Variants in OXCT1 observed in about 807,000 individuals in gnomAD.
OXCT1 encodes the protein succinyl-CoA:3-ketoacid coenzyme A transferase 1, mitochondrial.
In OXCT1, 27 loss-of-function variants were observed where a neutral mutation model predicts 69.6. The ratio of observed to expected loss-of-function variants is 0.39; its 90% CI spans 0.29 to 0.54. The LOEUF is 0.54. Among genes scored for constraint, OXCT1 ranks in the 20% least tolerant of loss-of-function variants. The pLI, the probability that OXCT1 is intolerant of heterozygous loss-of-function variation, is 0.72. For synonymous variants in OXCT1, 202 were observed against 217.8 expected (o/e 0.93, Z 0.64); for missense variants, 437 against 650.2 (o/e 0.67, Z 3.57).
At chr5:41,783,255 G>A (rs1031514395) in intron 13 of OXCT1, among the ~76,000 whole-genome samples, 1 of 152,166 alleles carries the variant, frequency 6.6e-6, no homozygotes, top group African/African-American at 2.4e-5. Flanking sequence ...CAAAAGTGTT[G>A]ATCAAGATGA....
intron 5 of OXCT1, among the ~76,000 whole-genome samples, chr5:41,846,289 A>T (rs1579866141): frequency 4.0e-5 from 3 of 74,918 alleles, no homozygotes; most frequent in East Asian, 4.8e-4. Context: ...CCCTCCCCCC[A>T]CCCCACAACA....
Position 41,870,165 on chromosome 5 carries a change from A to C in OXCT1, c.78+116T>G. 1 of 850,712 alleles carries C rather than the reference A, an allele frequency of 1.2e-6. No homozygotes were observed. Among genetic ancestry groups the C allele is most frequent in the Non-Finnish European group, 2.0e-6 (1 of 507,680 alleles). 52.7% of individuals were successfully genotyped at this position (850,712 alleles called of 1,614,324 possible). ...CCGTGACCAGGGCACCGCGCCACGG[A>C]TGCCAGATCCCAGGCTGGAGAGAGC... On this transcript the variant is annotated intron_variant, in intron 1 of 16. Coordinates refer to ENST00000196371, the MANE Select transcript of OXCT1 (RefSeq NM_000436.4). The surrounding 1 kb of genome is among the most constrained non-coding windows in gnomAD (Gnocchi z 4.2).
chr5:41,794,885 G>A, intron 11 of OXCT1, 136 bp from the exon 12 acceptor site: 1 of 841,290 alleles, frequency 1.2e-6, no homozygotes, highest in South Asian at 1.6e-5. Flanking sequence ...CATAGCAGGT[G>A]GGGGGACACA....
chr5:41,789,394 C>A (rs1425768555), intron 13 of OXCT1, among the ~76,000 whole-genome samples: 1 of 152,202 alleles, frequency 6.6e-6, no homozygotes, highest in Non-Finnish European at 1.5e-5. Flanking sequence ...TTGTTAACTA[C>A]TGCATCCCCA....
At chr5:41,809,929 TG>T (rs1338593376) in intron 7 of OXCT1, among the ~76,000 whole-genome samples, 4 of 152,052 alleles carry the variant, frequency 2.6e-5, no homozygotes, top group Non-Finnish European at 5.9e-5. Context: ...GTGCAGCATT[TG>T]TCAAAATAAC....
Position 41,870,248 on chromosome 5 carries a change from T to G in OXCT1, c.78+33A>C. ...CTCAGGGTTTGGTCCACGTTCTTCC[T>G]GCCCATGGCCTTCCTCTTCCCCCGC... On this transcript the variant is annotated intron_variant, in intron 1 of 16. Coordinates refer to ENST00000196371, the MANE Select transcript of OXCT1 (RefSeq NM_000436.4). This position sits in a 1 kb window ranked among gnomAD's most constrained non-coding sequence, Gnocchi z 4.2. The G allele has an allele frequency of 6.4e-7, 1 of 1,562,106 alleles. No individual in the cohort carries two copies. The highest frequency in any genetic ancestry group is 8.8e-7 in the Non-Finnish European group (1 of 1,132,904).
At chr5:41,804,877 C>T (rs995699935) in intron 9 of OXCT1, among the ~76,000 whole-genome samples, 4 of 152,028 alleles carry the variant, frequency 2.6e-5, no homozygotes, top group Admixed American at 1.3e-4. Context: ...CACCATTCAA[C>T]AAACATTCAT....
Position 41,843,541 on chromosome 5 carries a change from T to C in OXCT1, c.565-760A>G, listed in dbSNP as rs74778597. ...TTGCCTTTTAATTATACTACCAATT[T>C]TGGAGGGAAGAACATAAAGCAAAAC... On this transcript the variant is annotated intron_variant, in intron 5 of 16. Coordinates refer to ENST00000196371, the MANE Select transcript of OXCT1 (RefSeq NM_000436.4). 5.7e-3 allele frequency: 2,620 copies of C among 456,142 alleles called. 35 individuals are homozygous for C. The highest frequency in any genetic ancestry group is 0.033 in the African/African-American group (1,637 of 50,170). The allele number at this position is 456,142 out of a possible 1,614,324, so 28.3% of individuals were successfully genotyped here. A position where few individuals can be genotyped will look rare whatever the true frequency, so the allele number is the denominator to read the frequency against.
chr5:41,839,567 A>G (rs1341729779), intron 7 of OXCT1, among the ~76,000 whole-genome samples: 4 of 152,224 alleles, frequency 2.6e-5, no homozygotes, highest in Admixed American at 2.6e-4. Flanking sequence ...GCAATTTAAA[A>G]ATAGCACACT....
chr5:41,754,287 T>A (rs960290113), intron 14 of OXCT1, among the ~76,000 whole-genome samples: 11 of 152,094 alleles, frequency 7.2e-5, no homozygotes, highest in Non-Finnish European at 1.3e-4. Flanking sequence ...TCAACACCCT[T>A]GCTCTTTCCT....
chr5:41,859,309 CTAAG>C (rs1434376623), intron 3 of OXCT1, among the ~76,000 whole-genome samples: 1 of 152,078 alleles, frequency 6.6e-6, no homozygotes, highest in Non-Finnish European at 1.5e-5. Flanking sequence ...AGTGAAAGAT[CTAAG>C]TAAGAATGAA....
intron 4 of OXCT1, among the ~76,000 whole-genome samples, chr5:41,850,983 T>C (rs1351736656): frequency 1.3e-5 from 2 of 152,170 alleles, no homozygotes; most frequent in Non-Finnish European, 2.9e-5. Context: ...ACAGTCTTAC[T>C]AGAAAACTGA....
intron 13 of OXCT1, among the ~76,000 whole-genome samples, chr5:41,793,612 G>T (rs1011569819): frequency 6.6e-6 from 1 of 152,206 alleles, no homozygotes; most frequent in Non-Finnish European, 1.5e-5. Context: ...CTGATTAATA[G>T]AATTAACAAT....
chr5:41,847,983 T>C (rs1749003674), intron 5 of OXCT1, among the ~76,000 whole-genome samples: 1 of 150,278 alleles, frequency 6.7e-6, no homozygotes, highest in Non-Finnish European at 1.5e-5. Flanking sequence ...AAAGAGGAAG[T>C]CAAATTGTCC....
At chr5:41,843,650 A>C (rs1010687924) in intron 5 of OXCT1, 1 of 454,760 alleles carries the variant, frequency 2.2e-6, no homozygotes, top group African/African-American at 2.0e-5. Flanking sequence ...CCATCACTGC[A>C]CAAAATGGAG....
intron 5 of OXCT1, among the ~76,000 whole-genome samples, chr5:41,849,360 C>T (rs1230442828): frequency 4.6e-5 from 7 of 152,142 alleles, no homozygotes; most frequent in African/African-American, 1.7e-4. Flanking sequence ...TGGAAAGATA[C>T]TAAAAAATAC....
chr5:41,824,837 C>T (rs1747723539), intron 7 of OXCT1, among the ~76,000 whole-genome samples: 1 of 152,110 alleles, frequency 6.6e-6, no homozygotes, highest in Non-Finnish European at 1.5e-5. Flanking sequence ...AATCTCATAG[C>T]TTTTTATAGT....
Position 41,730,984 on chromosome 5 carries a change from C to CA in OXCT1, c.*744dup, listed in dbSNP as rs1238178741. The CA allele has an allele frequency of 3.3e-5, 5 of 152,178 alleles. No individual in the cohort carries two copies. The highest frequency in any genetic ancestry group is 5.9e-5 in the Non-Finnish European group (4 of 68,060). 9.4% of individuals were successfully genotyped at this position (152,178 alleles called of 1,614,324 possible). ...GAGGAGGTACAGTACAAGTAGCCCACAGGGTCTCAATAACAGAAGTATTCT... is the reference window on the plus strand; with the variant it reads ...GAGGAGGTACAGTACAAGTAGCCCACAAGGGTCTCAATAACAGAAGTATTCT... On this transcript the variant is annotated 3_prime_UTR_variant, in exon 17 of 17. Coordinates refer to ENST00000196371, the MANE Select transcript of OXCT1 (RefSeq NM_000436.4).
At chr5:41,768,650 CCAA>C (rs1398084262) in intron 13 of OXCT1, among the ~76,000 whole-genome samples, 1 of 152,100 alleles carries the variant, frequency 6.6e-6, no homozygotes, top group African/African-American at 2.4e-5. Context: ...TCCACTTCTC[CCAA>C]CATTTCTTGA....
Sources: allele counts gnomAD v4.1 joint callset (sites outside exome capture counted in the v4.1 genomes callset), GRCh38; gene constraint gnomAD v4.1.1; non-coding constraint Gnocchi (gnomAD v3.1); transcripts MANE v1.5; gene names NCBI Gene and HGNC (gene_info 2026-07-23, HGNC 2026-07-21).